The following PITPNC1 variants were observed in gnomAD, a reference collection of about 807,000 sequenced individuals.
PITPNC1 encodes the protein cytoplasmic phosphatidylinositol transfer protein 1.
A neutral mutation model predicts 44.7 loss-of-function variants in PITPNC1; 18 were observed. The observed-to-expected ratio is 0.40, with a 90% CI of 0.28 to 0.60. PITPNC1 has a LOEUF of 0.60. PITPNC1 is among the 20% of genes least tolerant of loss of function. PITPNC1 has a pLI of 0.39. For synonymous variants in PITPNC1, 141 were observed against 149.6 expected (o/e 0.94, Z 0.42); for missense variants, 290 against 418.4 (o/e 0.69, Z 2.68).
intron 1 of PITPNC1, among the ~76,000 whole-genome samples, chr17:67,404,357 C>T (rs963950915): frequency 6.6e-6 from 1 of 152,116 alleles, no homozygotes; most frequent in Non-Finnish European, 1.5e-5. Flanking sequence ...TATTATAAAT[C>T]TTGAGGGAAA....
In PITPNC1 at chr17:67,406,259, C is replaced by T. The variant is rs373557264; in HGVS notation, c.48+28057C>T. On this transcript the variant is annotated intron_variant, in intron 1 of 8. Transcript: ENST00000581322. ...CTGGGCTCAAACATTTCTCCTGCCTCAGCCTCCTGAGTAGCTGGATTTCAG... is the reference window on the plus strand; with the variant it reads ...CTGGGCTCAAACATTTCTCCTGCCTTAGCCTCCTGAGTAGCTGGATTTCAG... 9.9e-5 allele frequency among the ~76,000 whole-genome samples: 15 copies of T among 152,276 alleles called. 3 individuals are homozygous for T. Among genetic ancestry groups the T allele is most frequent in the Admixed American group, 1.3e-4 (2 of 15,296 alleles).
intron 1 of PITPNC1, among the ~76,000 whole-genome samples, chr17:67,489,423 C>T (rs570247369): frequency 6.6e-6 from 1 of 152,340 alleles, no homozygotes; most frequent in South Asian, 2.1e-4. Context: ...CCTTCCTTCT[C>T]CTTTTCTTCC....
chr17:67,620,807 A>G (rs1745020349), intron 5 of PITPNC1, among the ~76,000 whole-genome samples: 2 of 152,108 alleles, frequency 1.3e-5, no homozygotes, highest in Non-Finnish European at 2.9e-5. Context: ...GGAGCGTTTG[A>G]TGGGGATTAA....
chr17:67,422,112 A>C (rs2038679576), intron 1 of PITPNC1, among the ~76,000 whole-genome samples: 1 of 152,220 alleles, frequency 6.6e-6, no homozygotes. Context: ...AAGAAGGCTT[A>C]AACCACATCA....
intron 1 of PITPNC1, among the ~76,000 whole-genome samples, chr17:67,393,846 T>C (rs1355940362): frequency 1.3e-5 from 2 of 152,186 alleles, no homozygotes; most frequent in Non-Finnish European, 2.9e-5. Flanking sequence ...TGTTAGCTTA[T>C]TTTTTGGGAT....
chr17:67,650,995 G>T (rs1367635911), intron 6 of PITPNC1, among the ~76,000 whole-genome samples: 1 of 152,066 alleles, frequency 6.6e-6, no homozygotes, highest in Non-Finnish European at 1.5e-5. Flanking sequence ...AACCGCTCAG[G>T]GTTTGCGGTG....
At chr17:67,488,421 A>G (rs911433404) in intron 1 of PITPNC1, among the ~76,000 whole-genome samples, 1 of 152,138 alleles carries the variant, frequency 6.6e-6, no homozygotes, top group Admixed American at 6.5e-5. Flanking sequence ...GAGTCAGTCA[A>G]TCCTGCAGAA....
chr17:67,625,335 C>T (rs2041882730), intron 5 of PITPNC1, among the ~76,000 whole-genome samples: 1 of 152,058 alleles, frequency 6.6e-6, no homozygotes, highest in African/African-American at 2.4e-5. Context: ...TGTCAGGTGC[C>T]CCCCTGTAAA....
At chr17:67,635,753 G>T (rs1460494774) in intron 6 of PITPNC1, among the ~76,000 whole-genome samples, 1 of 152,188 alleles carries the variant, frequency 6.6e-6, no homozygotes, top group East Asian at 1.9e-4. Flanking sequence ...ACCAAGGAAT[G>T]CAAGTTTCAA....
intron 1 of PITPNC1, among the ~76,000 whole-genome samples, chr17:67,387,015 A>G (rs1404298644): frequency 6.6e-6 from 1 of 152,264 alleles, no homozygotes; most frequent in Admixed American, 6.5e-5. Flanking sequence ...TAAAACGGAC[A>G]AACCAATCGT....
chr17:67,421,016 T>C (rs143347479), intron 1 of PITPNC1, among the ~76,000 whole-genome samples: 1 of 152,122 alleles, frequency 6.6e-6, no homozygotes, highest in African/African-American at 2.4e-5. Context: ...TCCAGTCTCT[T>C]TTGGGGGATC....
chr17:67,457,127 C>T (rs2039265650), intron 1 of PITPNC1: 2 of 152,202 alleles, frequency 1.3e-5, no homozygotes. Flanking sequence ...CTTAGGCAGC[C>T]TGGTGGTCCC....
intron 1 of PITPNC1, among the ~76,000 whole-genome samples, chr17:67,429,865 C>G (rs1383096534): frequency 6.6e-6 from 1 of 152,140 alleles, no homozygotes; most frequent in Non-Finnish European, 1.5e-5. Context: ...AGAAGGAATA[C>G]AATTTCAGTA....
chr17:67,683,744 G>A (rs559659134), intron 8 of PITPNC1, among the ~76,000 whole-genome samples: 6 of 152,136 alleles, frequency 3.9e-5, no homozygotes, highest in East Asian at 1.9e-4. Context: ...TTGGGAGGGC[G>A]AGGTGGGCGG....
intron 5 of PITPNC1, among the ~76,000 whole-genome samples, chr17:67,589,811 T>C (rs1039399186): frequency 6.6e-6 from 1 of 151,878 alleles, no homozygotes; most frequent in East Asian, 1.9e-4. Flanking sequence ...CTACTAAAAA[T>C]ATAAAAAATA....
chr17:67,599,028 ATATATATTTTT>A (rs1259593180), intron 5 of PITPNC1, among the ~76,000 whole-genome samples: 9 of 32,620 alleles, frequency 2.8e-4, no homozygotes, highest in African/African-American at 8.0e-4. Context: ...ATATATATAT[ATATATATTTTT>A]TTTTTTTTTT....
chr17:67,619,090 A>C (rs2041798053), intron 5 of PITPNC1, among the ~76,000 whole-genome samples: 1 of 152,070 alleles, frequency 6.6e-6, no homozygotes, highest in South Asian at 2.1e-4. Flanking sequence ...AAAAAATAAA[A>C]ACATCTAGTT....
intron 1 of PITPNC1, among the ~76,000 whole-genome samples, chr17:67,440,295 CCTT>C (rs983184927): frequency 6.6e-6 from 1 of 152,132 alleles, no homozygotes; most frequent in Non-Finnish European, 1.5e-5. Flanking sequence ...TCACTTGTCT[CCTT>C]CTAATCCTGG....
chr17:67,613,822 C>CA (rs34474722), intron 5 of PITPNC1: 20,791 of 76,624 alleles, frequency 0.27, 2,160 homozygotes, highest in Middle Eastern at 0.42. Context: ...GACTCCGTCT[C>CA]AAAAAAAAAA....
Sources: allele counts gnomAD v4.1 joint callset (sites outside exome capture counted in the v4.1 genomes callset), GRCh38; gene constraint gnomAD v4.1.1; transcripts MANE v1.5; gene names NCBI Gene and HGNC (gene_info 2026-07-23, HGNC 2026-07-21).